Variants in ARAP2 observed in about 807,000 individuals in gnomAD.
ARAP2 encodes ArfGAP with RhoGAP domain, ankyrin repeat and PH domain 2, also known as arf-GAP with Rho-GAP domain, ANK repeat and PH domain-containing protein 2.
Under a neutral mutation model 194.5 loss-of-function variants are expected in ARAP2, and 148 were observed. The ratio of observed to expected loss-of-function variants is 0.76; its 90% CI spans 0.67 to 0.87. The LOEUF is 0.87. Ranked by LOEUF, ARAP2 falls within the 40% of genes least tolerant of loss-of-function variation. The pLI, the probability that ARAP2 is intolerant of heterozygous loss-of-function variation, is 0.00. For missense variants in ARAP2, 2,128 were observed against 1,989.7 expected, an observed-to-expected ratio of 1.07 and a Z score of -1.32; for synonymous variants, 695 against 683.5, an observed-to-expected ratio of 1.02 and a Z score of -0.26.
At chr4:36,019,930 G>A (rs191266404) in intron 5 of ARAP2, among the ~76,000 whole-genome samples, 22 of 152,238 alleles carry the variant, frequency 1.4e-4, no homozygotes, top group African/African-American at 4.8e-4. Flanking sequence ...CTCAGATAGT[G>A]CTGAACCCTA....
chr4:36,173,662 GA>G (rs950899182), intron 9 of ARAP2, among the ~76,000 whole-genome samples: 23 of 150,960 alleles, frequency 1.5e-4, no homozygotes, highest in African/African-American at 4.6e-4. Flanking sequence ...GACAATTTGA[GA>G]AAAAAAAATT....
At chr4:36,124,538 T>C (rs1385907230) in intron 22 of ARAP2, among the ~76,000 whole-genome samples, 1 of 151,870 alleles carries the variant, frequency 6.6e-6, no homozygotes, top group Admixed American at 6.6e-5. Context: ...AATAAAGAAA[T>C]GTCCACCATG....
At chr4:36,232,627 T>A in intron 1 of ARAP2, among the ~76,000 whole-genome samples, 1 of 152,230 alleles carries the variant, frequency 6.6e-6, no homozygotes, top group East Asian at 1.9e-4. Context: ...GTTTAGCAGC[T>A]CCATAACTTT....
At chr4:36,085,977 T>C (rs1308347454) in intron 28 of ARAP2, among the ~76,000 whole-genome samples, 2 of 152,088 alleles carry the variant, frequency 1.3e-5, no homozygotes, top group African/African-American at 4.8e-5. Flanking sequence ...CAATTTGAAC[T>C]GTCTAGTATG....
chr4:36,010,394 C>T (rs906225873), intron 9 of ARAP2, among the ~76,000 whole-genome samples: 8 of 152,068 alleles, frequency 5.3e-5, no homozygotes, highest in Non-Finnish European at 1.0e-4. Flanking sequence ...AATTAGCATG[C>T]TTTCCAGAGT....
At chr4:36,088,288 C>T (rs921957095) in intron 28 of ARAP2, among the ~76,000 whole-genome samples, 7 of 152,088 alleles carry the variant, frequency 4.6e-5, no homozygotes, top group East Asian at 1.9e-4. Context: ...TCAAGGTGGG[C>T]GGTCCACTGC....
At chr4:36,210,149 A>G (rs1291827327) in intron 6 of ARAP2, among the ~76,000 whole-genome samples, 3 of 152,134 alleles carry the variant, frequency 2.0e-5, no homozygotes, top group Non-Finnish European at 4.4e-5. Context: ...ATGTGAGGTC[A>G]TAACTTTCTA....
At chr4:36,235,923 T>C (rs1305382396) in intron 1 of ARAP2, among the ~76,000 whole-genome samples, 2 of 152,140 alleles carry the variant, frequency 1.3e-5, no homozygotes, top group African/African-American at 4.8e-5. Flanking sequence ...ATGCCTGTAA[T>C]TGCAGCGCTT....
At chr4:36,094,565 G>A (rs1216689729) in intron 27 of ARAP2, among the ~76,000 whole-genome samples, 1 of 152,082 alleles carries the variant, frequency 6.6e-6, no homozygotes, top group African/African-American at 2.4e-5. Flanking sequence ...TGGCACTGTG[G>A]TAGAGGGACA....
At position 36,067,170 on chromosome 4, in the gene ARAP2, T is replaced by C. The variant is rs1725666998; in HGVS notation, c.*737A>G. ...GAGCTCAAACGTAGTGAATCTGTAA[T>C]GTGGCTGGTTTTCTAACACTATAAA... On this transcript the variant is annotated 3_prime_UTR_variant, in exon 33 of 33. Coordinates refer to ENST00000303965, the MANE Select transcript of ARAP2 (RefSeq NM_015230.4). 1 of 152,426 alleles carries C rather than the reference T, an allele frequency of 6.6e-6. No homozygotes were observed. Among genetic ancestry groups the C allele is most frequent in the Non-Finnish European group, 1.5e-5 (1 of 68,050 alleles). The allele number at this position is 152,426 out of a possible 1,614,324, so 9.4% of individuals were successfully genotyped here. A position where few individuals can be genotyped will look rare whatever the true frequency, so the allele number is the denominator to read the frequency against.
intron 16 of ARAP2, among the ~76,000 whole-genome samples, chr4:36,150,374 G>A (rs1235702300): frequency 3.3e-5 from 5 of 152,162 alleles, no homozygotes; most frequent in Non-Finnish European, 7.4e-5. Context: ...GGCCAGGCAC[G>A]GTGGCTCACG....
chr4:36,107,284 A>ACATAAG (rs1718653118), intron 27 of ARAP2, among the ~76,000 whole-genome samples: 2 of 152,056 alleles, frequency 1.3e-5, no homozygotes, highest in South Asian at 4.1e-4. Context: ...TGAGGAAAAT[A>ACATAAG]CATAAGCATA....
Position 36,147,589 on chromosome 4 carries a change from A to G in ARAP2, c.3158T>C (p.Val1053Ala). Residue 1053 changes from valine (V) to alanine (A), a missense_variant, in exon 18 of 33, where the codon GTT becomes GCT. Val to Ala is a moderately conservative substitution (Grantham distance 64). Transcript: ENST00000303965. ...SLHFCLQMQE[V>A]QGDRMHLRRL... is the part of the protein sequence containing the mutation. ...TCTTAAGTGCATTCTATCTCCCTGA[A>G]CTTCTTGCATTTGAAGGCAAAAATG... 1 of 1,613,542 alleles carries G rather than the reference A, an allele frequency of 6.2e-7. No homozygotes were observed. Among genetic ancestry groups the G allele is most frequent in the Non-Finnish European group, 8.5e-7 (1 of 1,179,652 alleles).
At chr4:36,075,725 C>T (rs75373485) in intron 31 of ARAP2, among the ~76,000 whole-genome samples, 8,119 of 152,154 alleles carry the variant, frequency 0.053, 309 homozygotes, top group East Asian at 0.13. Flanking sequence ...CTTGCTCCTT[C>T]GTTCTCTATC....
chr4:36,131,057 C>A (rs1407201300), intron 20 of ARAP2, among the ~76,000 whole-genome samples: 2 of 151,726 alleles, frequency 1.3e-5, no homozygotes, highest in Non-Finnish European at 2.9e-5. Context: ...ACACAATGAG[C>A]ACAGAAAATT....
At chr4:36,194,947 G>A (rs1233675355) in intron 6 of ARAP2, among the ~76,000 whole-genome samples, 2 of 151,990 alleles carry the variant, frequency 1.3e-5, no homozygotes, top group African/African-American at 4.8e-5. Flanking sequence ...ACTTTGAGAA[G>A]CTGAGGTGGG....
intron 5 of ARAP2, among the ~76,000 whole-genome samples, chr4:36,026,771 G>T (rs1717985917): frequency 6.6e-6 from 1 of 152,192 alleles, no homozygotes; most frequent in Admixed American, 6.5e-5. Context: ...GGTGCCTCTC[G>T]GGACAGATGC....
chr4:36,078,272 CG>C (rs1728692750), intron 31 of ARAP2, among the ~76,000 whole-genome samples: 1 of 151,882 alleles, frequency 6.6e-6, no homozygotes, highest in Non-Finnish European at 1.5e-5. Flanking sequence ...TGGAGAAGTA[CG>C]GGATGCTAAG....
chr4:36,222,474 ATATAT>A (rs1257181017), intron 2 of ARAP2, among the ~76,000 whole-genome samples: 4 of 151,940 alleles, frequency 2.6e-5, no homozygotes, highest in African/African-American at 9.7e-5. Flanking sequence ...TATAAAATAT[ATATAT>A]TAATGTGGAA....
Sources: gnomAD v4.1 joint callset for allele counts (sites outside exome capture counted in the v4.1 genomes callset) on GRCh38, gnomAD v4.1.1 for gene constraint, MANE v1.5 for transcripts, NCBI Gene and HGNC (gene_info 2026-07-23, HGNC 2026-07-21) for gene names.